Variants in ROBO2 observed in about 807,000 individuals in gnomAD.
The protein encoded by ROBO2 is roundabout homolog 2.
ROBO2 carries 53 observed loss-of-function variants against 160.8 expected under a neutral mutation model. That is an observed-to-expected ratio of 0.33 (90% CI 0.26 to 0.41). ROBO2 has a LOEUF of 0.41. Among genes scored for constraint, ROBO2 ranks in the 10% least tolerant of loss-of-function variants. The probability of loss-of-function intolerance (pLI) is 1.00; values close to 1 mark genes in which losing one functional copy is unlikely to be tolerated. For missense variants in ROBO2, 1,577 were observed against 1,722.4 expected (o/e 0.92, Z 1.49); for synonymous variants, 664 against 611.7 (o/e 1.09, Z -1.26).
At chr3:76,620,504 GA>G (rs780320563) in intron 2 of ROBO2, among the ~76,000 whole-genome samples, 72 of 152,062 alleles carry the variant, frequency 4.7e-4, no homozygotes, top group Non-Finnish European at 3.7e-4. Flanking sequence ...ACATGACTGA[GA>G]ATATTTTAGC....
chr3:77,239,303 C>T (rs113487037), intron 2 of ROBO2, among the ~76,000 whole-genome samples: 66 of 151,652 alleles, frequency 4.4e-4, no homozygotes, highest in African/African-American at 1.5e-3. Flanking sequence ...CTTAAGGCAG[C>T]GCGTCTAGAG....
intron 2 of ROBO2, among the ~76,000 whole-genome samples, chr3:76,941,771 G>C (rs1220871626): frequency 1.3e-5 from 2 of 152,124 alleles, no homozygotes; most frequent in Admixed American, 1.3e-4. Context: ...TTTCGCTAGA[G>C]CACCAGAACT....
At chr3:77,296,817 G>T (rs2153407101) in intron 2 of ROBO2, among the ~76,000 whole-genome samples, 1 of 152,198 alleles carries the variant, frequency 6.6e-6, no homozygotes, top group East Asian at 1.9e-4. Flanking sequence ...CTGAATAGCT[G>T]GCCAAGAAGA....
intron 2 of ROBO2, among the ~76,000 whole-genome samples, chr3:77,099,084 T>TG (rs911452585): frequency 1.2e-4 from 18 of 148,478 alleles, no homozygotes; most frequent in African/African-American, 4.4e-4. Context: ...TTTTTTTTTT[T>TG]TTTTTGAGAC....
chr3:76,910,732 A>G (rs2075933459), intron 2 of ROBO2, among the ~76,000 whole-genome samples: 2 of 147,172 alleles, frequency 1.4e-5, no homozygotes, highest in Non-Finnish European at 3.0e-5. Context: ...TCTCAAAAAA[A>G]AAAAAAAAAA....
At chr3:77,538,412 C>G (rs2092287516) in intron 6 of ROBO2, among the ~76,000 whole-genome samples, 1 of 151,976 alleles carries the variant, frequency 6.6e-6, no homozygotes, top group Admixed American at 6.6e-5. Context: ...CTCCTGACCT[C>G]ATGATCTGCC....
intron 2 of ROBO2, among the ~76,000 whole-genome samples, chr3:77,295,436 C>G (rs2061955192): frequency 6.7e-6 from 1 of 149,040 alleles, no homozygotes; most frequent in Non-Finnish European, 1.5e-5. Context: ...GAAGTTGAGG[C>G]TAGAACAGTA....
At chr3:76,402,220 A>G (rs1322342085) in intron 2 of ROBO2, among the ~76,000 whole-genome samples, 3 of 151,492 alleles carry the variant, frequency 2.0e-5, no homozygotes, top group Admixed American at 1.3e-4. Context: ...CCTGAATTCA[A>G]TTACTTTTCC....
rs184758718 is a variant in ROBO2 at position 76,361,167 on chromosome 3, C to G, written c.109+423565C>G. Among the ~76,000 whole-genome samples the G allele has an allele frequency of 1.8e-3, 270 of 152,122 alleles. 1 individual carries two copies. Among genetic ancestry groups the G allele is most frequent in the Middle Eastern group, 3.4e-3 (1 of 294 alleles). On this transcript the variant is annotated intron_variant, in intron 2 of 26. Transcript: ENST00000487694. ...AAACTCAAAGTAAAAATAGAACAGT[C>G]TAAAGTGGGCCCTGACAGTGCACTT...
At chr3:77,400,392 A>T (rs2075680237) in intron 2 of ROBO2, among the ~76,000 whole-genome samples, 1 of 152,156 alleles carries the variant, frequency 6.6e-6, no homozygotes, top group African/African-American at 2.4e-5. Flanking sequence ...TTTATCAACT[A>T]TTGATCATGT....
intron 2 of ROBO2, among the ~76,000 whole-genome samples, chr3:76,134,087 A>G (rs2106699606): frequency 1.3e-5 from 2 of 152,252 alleles, no homozygotes; most frequent in Middle Eastern, 3.4e-3. Context: ...CGTTTTAGTA[A>G]AAGTATTTTT....
intron 2 of ROBO2, among the ~76,000 whole-genome samples, chr3:76,891,945 G>C (rs1426605589): frequency 6.6e-6 from 1 of 152,292 alleles, no homozygotes; most frequent in Admixed American, 6.5e-5. Flanking sequence ...GGGGTCAGGA[G>C]AGGTGGCAGA....
At chr3:76,813,892 CTG>C (rs563084586) in intron 2 of ROBO2, among the ~76,000 whole-genome samples, 19 of 152,082 alleles carry the variant, frequency 1.2e-4, no homozygotes, top group Non-Finnish European at 2.2e-4. Context: ...AAGTGAGAAA[CTG>C]AGACTAATAT....
At chr3:76,032,309 G>T (rs183840327) in intron 2 of ROBO2, among the ~76,000 whole-genome samples, 9 of 151,812 alleles carry the variant, frequency 5.9e-5, no homozygotes, top group African/African-American at 9.7e-5. Flanking sequence ...AAAAACCAGC[G>T]CTTGGATTCA....
At chr3:77,237,409 T>TGTGTGTGTGTG (rs766161627) in intron 2 of ROBO2, among the ~76,000 whole-genome samples, 2 of 39,794 alleles carry the variant, frequency 5.0e-5, no homozygotes, top group Non-Finnish European at 1.6e-4. Flanking sequence ...TTTTGTTTTG[T>TGTGTGTGTGTG]TTTGTGTGTG....
At chr3:77,572,194 T>C (rs534142914) in intron 13 of ROBO2, among the ~76,000 whole-genome samples, 6 of 152,168 alleles carry the variant, frequency 3.9e-5, no homozygotes, top group African/African-American at 1.4e-4. Context: ...CAAGCTATTA[T>C]TGTGAGTTAT....
intron 2 of ROBO2, among the ~76,000 whole-genome samples, chr3:76,457,023 T>G (rs939098973): frequency 1.3e-5 from 2 of 152,154 alleles, no homozygotes; most frequent in Non-Finnish European, 2.9e-5. Context: ...CAATTCAAGA[T>G]GAGATTTGGT....
At chr3:76,316,215 G>T (rs1257126523) in intron 2 of ROBO2, among the ~76,000 whole-genome samples, 2 of 152,152 alleles carry the variant, frequency 1.3e-5, no homozygotes, top group Non-Finnish European at 2.9e-5. Context: ...CAGGGCTGGT[G>T]TTTCCCAATC....
intron 2 of ROBO2, among the ~76,000 whole-genome samples, chr3:76,741,027 T>G (rs2093793725): frequency 6.6e-6 from 1 of 152,118 alleles, no homozygotes; most frequent in Non-Finnish European, 1.5e-5. Context: ...AATAGTATTT[T>G]ATAAAAGCTC....
Sources: gnomAD v4.1 joint callset for allele counts (sites outside exome capture counted in the v4.1 genomes callset) on GRCh38, gnomAD v4.1.1 for gene constraint, MANE v1.5 for transcripts, NCBI Gene and HGNC (gene_info 2026-07-23, HGNC 2026-07-21) for gene names.